Variants in USP10 observed in about 807,000 individuals in gnomAD.
The protein encoded by USP10 is ubiquitin carboxyl-terminal hydrolase 10.
In USP10, 22 loss-of-function variants were observed where a neutral mutation model predicts 84.5. The observed-to-expected ratio is 0.26, with a 90% CI of 0.19 to 0.37. The LOEUF is 0.37. Ranked by LOEUF, USP10 falls within the 10% of genes least tolerant of loss-of-function variation. USP10 has a pLI of 1.00. For missense variants in USP10, 1,019 were observed against 998.9 expected (o/e 1.02, Z -0.27); for synonymous variants, 454 against 387.6 (o/e 1.17, Z -2.01).
chr16:84,746,685 G>T (rs1003219929), intron 4 of USP10, among the ~76,000 whole-genome samples: 1 of 152,200 alleles, frequency 6.6e-6, no homozygotes, highest in Non-Finnish European at 1.5e-5. Context: ...CTGAGTGAAT[G>T]TGAAGGCCCA....
At chr16:84,770,771 C>CAA (rs1567650765) in intron 11 of USP10, among the ~76,000 whole-genome samples, 1 of 133,104 alleles carries the variant, frequency 7.5e-6, no homozygotes. Context: ...GACTCCGTCC[C>CAA]CAAAAAAAAA....
chr16:84,746,347 C>T (rs1911222214), intron 4 of USP10, among the ~76,000 whole-genome samples: 1 of 152,138 alleles, frequency 6.6e-6, no homozygotes, highest in Non-Finnish European at 1.5e-5. Context: ...CCTCACATAG[C>T]CACGTGTTGC....
chr16:84,762,093 T>A (rs141443988), intron 8 of USP10, among the ~76,000 whole-genome samples: 76 of 152,370 alleles, frequency 5.0e-4, no homozygotes, highest in African/African-American at 1.7e-3. Flanking sequence ...AGTAACAGAA[T>A]CAAACACTCG....
intron 4 of USP10, among the ~76,000 whole-genome samples, chr16:84,757,425 G>A (rs1912711874): frequency 6.6e-6 from 1 of 151,448 alleles, no homozygotes; most frequent in Non-Finnish European, 1.5e-5. Context: ...GTGTGTGTGT[G>A]TGTGTGTGTG....
intron 3 of USP10, among the ~76,000 whole-genome samples, chr16:84,741,794 G>C (rs1315502440): frequency 6.6e-6 from 1 of 152,070 alleles, no homozygotes. Flanking sequence ...TTCTCTTCCA[G>C]TGCCTGTTCG....
At chr16:84,717,806 C>G (rs967430537) in intron 1 of USP10, among the ~76,000 whole-genome samples, 2 of 152,198 alleles carry the variant, frequency 1.3e-5, no homozygotes, top group African/African-American at 4.8e-5. Flanking sequence ...GTCTCTGGTC[C>G]TCAGGTGTAT....
At chr16:84,736,167 C>G (rs1909916141) in intron 2 of USP10, among the ~76,000 whole-genome samples, 1 of 152,226 alleles carries the variant, frequency 6.6e-6, no homozygotes, top group Non-Finnish European at 1.5e-5. Context: ...AATTGCCGCT[C>G]AAACATGCAG....
At position 84,739,263 on chromosome 16, in the gene USP10, T is replaced by G. The variant is rs190639407; in HGVS notation, c.91-1046T>G. Among the ~76,000 whole-genome samples the G allele has an allele frequency of 2.0e-3, 303 of 150,954 alleles. 2 individuals carry two copies. The highest frequency in any genetic ancestry group is 5.8e-3 in the African/African-American group (240 of 41,100). On this transcript the variant is annotated intron_variant, in intron 2 of 13. Transcript: ENST00000219473. Reference sequence around the variant, plus strand: ...TTTAGTAGAGACAGGGTTTGTTTTTTTTTTGTTTTGTTTTGTTTTGGTTTT... The same window carrying G: ...TTTAGTAGAGACAGGGTTTGTTTTTGTTTTGTTTTGTTTTGTTTTGGTTTT...
chr16:84,718,884 C>T (rs1200760239), intron 1 of USP10, among the ~76,000 whole-genome samples: 1 of 151,884 alleles, frequency 6.6e-6, no homozygotes, highest in African/African-American at 2.4e-5. Context: ...CCTCCACCTC[C>T]TGGGTTCAAG....
intron 1 of USP10, among the ~76,000 whole-genome samples, chr16:84,713,294 C>T (rs769274672): frequency 7.2e-5 from 11 of 152,138 alleles, no homozygotes; most frequent in African/African-American, 1.2e-4. Flanking sequence ...TAGACAGGCT[C>T]GCCCCCTTTG....
intron 11 of USP10, among the ~76,000 whole-genome samples, chr16:84,769,176 A>G (rs1023408688): frequency 1.3e-5 from 2 of 152,220 alleles, no homozygotes; most frequent in Non-Finnish European, 2.9e-5. Flanking sequence ...TGGGCAGTGG[A>G]TGGCAGCTAC....
At chr16:84,739,474 T>C (rs1037621107) in intron 2 of USP10, among the ~76,000 whole-genome samples, 12 of 152,046 alleles carry the variant, frequency 7.9e-5, no homozygotes, top group Non-Finnish European at 1.3e-4. Flanking sequence ...GGTTTCACCA[T>C]GTTGGCCAGA....
At chr16:84,716,811 G>A (rs1907080782) in intron 1 of USP10, among the ~76,000 whole-genome samples, 1 of 152,194 alleles carries the variant, frequency 6.6e-6, no homozygotes, top group Non-Finnish European at 1.5e-5. Context: ...ACAATTACAT[G>A]GGGAGTGACC....
chr16:84,733,409 T>A (rs760434627), intron 1 of USP10, 26 bp from the exon 2 acceptor site: 1 of 1,524,794 alleles, frequency 6.6e-7, no homozygotes, highest in South Asian at 1.2e-5. Flanking sequence ...TTTTATGTGA[T>A]CAGTGACTCT....
chr16:84,775,839 C>G (rs1031972666), intron 13 of USP10, among the ~76,000 whole-genome samples: 1 of 152,176 alleles, frequency 6.6e-6, no homozygotes, highest in South Asian at 2.1e-4. Flanking sequence ...ATCATCTTCC[C>G]TTTCCTTTCT....
In USP10 at chr16:84,779,512, T is replaced by C. The variant is rs1201951230; in HGVS notation, c.*430T>C. 6.5e-6 allele frequency: 1 copy of C among 153,296 alleles called. No individual in the cohort carries two copies. Among genetic ancestry groups the C allele is most frequent in the African/African-American group, 2.4e-5 (1 of 41,484 alleles). The allele number at this position is 153,296 out of a possible 1,614,324, so 9.5% of individuals were successfully genotyped here. A position where few individuals can be genotyped will look rare whatever the true frequency, so the allele number is the denominator to read the frequency against. On this transcript the variant is annotated 3_prime_UTR_variant, in exon 14 of 14. Transcript: ENST00000219473. ...CTTTTCTTCCCTACCCTTTAGTTTT[T>C]GATAAATGATAAAAATGAGCCAGTT...
intron 1 of USP10, among the ~76,000 whole-genome samples, chr16:84,726,221 C>T (rs1289213851): frequency 6.6e-6 from 1 of 152,198 alleles, no homozygotes; most frequent in Non-Finnish European, 1.5e-5. Context: ...CCCCCTAGTG[C>T]CGTGCTGTAC....
At chr16:84,770,849 C>G (rs558561179) in intron 11 of USP10, among the ~76,000 whole-genome samples, 2 of 150,476 alleles carry the variant, frequency 1.3e-5, no homozygotes, top group Non-Finnish European at 2.9e-5. Flanking sequence ...AGGCGGATCA[C>G]AAAGTCAAGA....
Position 84,722,833 on chromosome 16 carries a change from G to A in USP10, c.22-10602G>A, listed in dbSNP as rs572374005. Among the ~76,000 whole-genome samples, 7 of 152,316 alleles carry A rather than the reference G, an allele frequency of 4.6e-5. No individual in the cohort carries two copies. In the South Asian group the frequency reaches 1.5e-3, roughly 32 times the overall value. On this transcript the variant is annotated intron_variant, in intron 1 of 13. Coordinates refer to ENST00000219473, the MANE Select transcript of USP10 (RefSeq NM_005153.3). ...GGCCTCCCAAAGTGCTGGGATTACA[G>A]GTGTGAGCCACTGCGTCCGGCTCAG... is the stretch of plus-strand genomic sequence containing the variant.
Sources: allele counts gnomAD v4.1 joint callset (sites outside exome capture counted in the v4.1 genomes callset), GRCh38; gene constraint gnomAD v4.1.1; transcripts MANE v1.5; gene names NCBI Gene and HGNC (gene_info 2026-07-23, HGNC 2026-07-21).